The following CACNA2D1 variants were observed in gnomAD, a reference collection of about 807,000 sequenced individuals.
CACNA2D1 encodes calcium voltage-gated channel auxiliary subunit alpha2delta 1, also known as voltage-dependent calcium channel subunit alpha-2/delta-1.
In CACNA2D1, 53 loss-of-function variants were observed where a neutral mutation model predicts 171.5. That is an observed-to-expected ratio of 0.31 (90% CI 0.25 to 0.39). The LOEUF (loss-of-function observed/expected upper bound fraction) is 0.39, where lower values mean the gene tolerates loss of function less well. Ranked by LOEUF, CACNA2D1 falls within the 10% of genes least tolerant of loss-of-function variation. CACNA2D1 has a pLI of 1.00. For synonymous variants in CACNA2D1, 442 were observed against 443.1 expected (o/e 1.00, Z 0.03); for missense variants, 903 against 1,299.8 (o/e 0.69, Z 4.69).
intron 1 of CACNA2D1, among the ~76,000 whole-genome samples, chr7:82,374,346 A>G (rs1822762798): frequency 6.6e-6 from 1 of 152,198 alleles, no homozygotes; most frequent in South Asian, 2.1e-4. Context: ...CATTAACAGG[A>G]ATCACCCATT....
intron 6 of CACNA2D1, among the ~76,000 whole-genome samples, chr7:82,098,735 C>T (rs1183861873): frequency 2.6e-5 from 4 of 152,130 alleles, no homozygotes; most frequent in African/African-American, 4.8e-5. Flanking sequence ...ACCATCAATG[C>T]GTGACTCTTC....
At chr7:82,214,002 T>A (rs771987156) in intron 3 of CACNA2D1, among the ~76,000 whole-genome samples, 1 of 152,194 alleles carries the variant, frequency 6.6e-6, no homozygotes, top group Admixed American at 6.5e-5. Context: ...TTCTGGTTCA[T>A]AGATGGTGAC....
At chr7:82,347,560 C>T (rs1330671439) in intron 2 of CACNA2D1, among the ~76,000 whole-genome samples, 2 of 152,154 alleles carry the variant, frequency 1.3e-5, no homozygotes, top group South Asian at 2.1e-4. Flanking sequence ...CCCCCAATCT[C>T]AGCTCAAAGT....
chr7:82,072,330 A>G (rs1808420445), intron 7 of CACNA2D1, among the ~76,000 whole-genome samples: 1 of 152,028 alleles, frequency 6.6e-6, no homozygotes, highest in African/African-American at 2.4e-5. Flanking sequence ...AAAATTATAT[A>G]CCTGCTATGT....
At chr7:82,141,594 G>A (rs543921737) in intron 4 of CACNA2D1, among the ~76,000 whole-genome samples, 1 of 152,200 alleles carries the variant, frequency 6.6e-6, no homozygotes, top group East Asian at 1.9e-4. Context: ...TTGGAGAAAC[G>A]AAGATGAATA....
At chr7:82,428,096 TAAAAAA>T (rs1829346474) in intron 1 of CACNA2D1, among the ~76,000 whole-genome samples, 2 of 127,326 alleles carry the variant, frequency 1.6e-5, no homozygotes, top group African/African-American at 8.8e-5. Flanking sequence ...TTTAAAAAAA[TAAAAAA>T]TAAATAAAAA....
chr7:82,168,301 G>A (rs1316275425), intron 4 of CACNA2D1, among the ~76,000 whole-genome samples: 10 of 151,910 alleles, frequency 6.6e-5, no homozygotes, highest in Admixed American at 2.6e-4. Context: ...GCACCACCAC[G>A]CACAGCTAAT....
In CACNA2D1 at chr7:82,060,150, GTATTATATA is replaced by G. The variant is rs1806462882; in HGVS notation, c.879+269_879+277del. 1.2e-4 allele frequency among the ~76,000 whole-genome samples: 2 copies of G among 16,740 alleles called. 1 individual carries two copies. Among genetic ancestry groups the G allele is most frequent in the Non-Finnish European group, 2.8e-4 (2 of 7,058 alleles). 11.0% of individuals were successfully genotyped at this position (16,740 alleles called of 152,430 possible). ...ACCCTAAAACTTAAATTATATATATGTATTATATATATATAATATATATATATAATATAT... is the reference window on the plus strand; with the variant it reads ...ACCCTAAAACTTAAATTATATATATGTATATAATATATATATATAATATAT... On this transcript the variant is annotated intron_variant, in intron 10 of 38. Transcript: ENST00000356860.
chr7:81,983,420 A>G (rs1340172779), intron 22 of CACNA2D1, 86 bp from the exon 23 acceptor site: 1 of 965,386 alleles, frequency 1.0e-6, no homozygotes, highest in Non-Finnish European at 1.6e-6. Flanking sequence ...TATTTTATTC[A>G]ATGACTTTCT....
chr7:82,084,526 T>TG (rs1316890178), intron 7 of CACNA2D1, among the ~76,000 whole-genome samples: 1 of 152,190 alleles, frequency 6.6e-6, no homozygotes, highest in Non-Finnish European at 1.5e-5. Flanking sequence ...TAAGGATACC[T>TG]GCTCATGGTC....
chr7:82,029,336 A>G (rs931483246), intron 12 of CACNA2D1: 1 of 151,802 alleles, frequency 6.6e-6, no homozygotes, highest in Non-Finnish European at 1.5e-5. Context: ...TACAGTATAT[A>G]GTAAACATAA....
chr7:82,002,356 A>T (rs2130843629), intron 18 of CACNA2D1, among the ~76,000 whole-genome samples: 1 of 152,250 alleles, frequency 6.6e-6, no homozygotes, highest in African/African-American at 2.4e-5. Context: ...TTCATCTTGA[A>T]CTTCCCAGTC....
At chr7:81,971,277 C>T (rs1357369236) in intron 26 of CACNA2D1, among the ~76,000 whole-genome samples, 2 of 151,480 alleles carry the variant, frequency 1.3e-5, no homozygotes, top group Non-Finnish European at 3.0e-5. Context: ...GAATGGAGAA[C>T]ACTAAAGGCA....
At chr7:82,004,405 ATAAAC>A (rs1278070802) in intron 18 of CACNA2D1, among the ~76,000 whole-genome samples, 1 of 151,728 alleles carries the variant, frequency 6.6e-6, no homozygotes, top group Non-Finnish European at 1.5e-5. Flanking sequence ...CCAAAGTCAG[ATAAAC>A]TAAAATAGAC....
intron 1 of CACNA2D1, among the ~76,000 whole-genome samples, chr7:82,387,981 G>T (rs942544131): frequency 6.6e-6 from 1 of 150,906 alleles, no homozygotes; most frequent in Non-Finnish European, 1.5e-5. Context: ...ACTTGGGGGC[G>T]CTGAGAAGGG....
At chr7:82,396,583 C>CAG (rs1298235700) in intron 1 of CACNA2D1, among the ~76,000 whole-genome samples, 1 of 152,204 alleles carries the variant, frequency 6.6e-6, no homozygotes, top group African/African-American at 2.4e-5. Flanking sequence ...TTCTTTACGT[C>CAG]TAAATAGCTA....
intron 12 of CACNA2D1, among the ~76,000 whole-genome samples, chr7:82,018,163 A>G (rs572494926): frequency 1.3e-5 from 2 of 152,206 alleles, no homozygotes; most frequent in Non-Finnish European, 2.9e-5. Flanking sequence ...AATATTTTTC[A>G]TAATGCTGGA....
chr7:82,227,137 A>G (rs1802448781), intron 3 of CACNA2D1, among the ~76,000 whole-genome samples: 2 of 152,232 alleles, frequency 1.3e-5, no homozygotes, highest in African/African-American at 4.8e-5. Flanking sequence ...AAATAAAACA[A>G]TAAAATGGTA....
chr7:82,357,914 T>C (rs946610602), intron 1 of CACNA2D1, among the ~76,000 whole-genome samples: 10 of 150,908 alleles, frequency 6.6e-5, no homozygotes, highest in Admixed American at 2.0e-4. Context: ...GGAGGGATAG[T>C]GGGAAAGTGA....
Sources: gnomAD v4.1 joint callset for allele counts (sites outside exome capture counted in the v4.1 genomes callset) on GRCh38, gnomAD v4.1.1 for gene constraint, MANE v1.5 for transcripts, NCBI Gene and HGNC (gene_info 2026-07-23, HGNC 2026-07-21) for gene names.